The following VAC14 variants were observed in gnomAD, a reference collection of about 807,000 sequenced individuals.
VAC14 encodes the protein protein VAC14 homolog.
In VAC14, 47 loss-of-function variants were observed where a neutral mutation model predicts 85.3. The ratio of observed to expected loss-of-function variants is 0.55; its 90% CI spans 0.44 to 0.70. The LOEUF (loss-of-function observed/expected upper bound fraction) is 0.70, where lower values mean the gene tolerates loss of function less well. VAC14 is among the 30% of genes least tolerant of loss of function. The probability of loss-of-function intolerance (pLI) is 0.00; values close to 1 mark genes in which losing one functional copy is unlikely to be tolerated. For synonymous variants in VAC14, 447 were observed against 430.5 expected, an observed-to-expected ratio of 1.04 and a Z score of -0.47; for missense variants, 861 against 1,004.3, an observed-to-expected ratio of 0.86 and a Z score of 1.93.
At chr16:70,741,282 G>A (rs1597916508) in intron 13 of VAC14, among the ~76,000 whole-genome samples, 1 of 152,382 alleles carries the variant, frequency 6.6e-6, no homozygotes, top group East Asian at 1.9e-4. Context: ...AGTCTGGGAA[G>A]GAGCAGCTTG....
chr16:70,693,035 C>T (rs981446548), intron 17 of VAC14, 64 bp from the exon 18 acceptor site: 3 of 1,552,974 alleles, frequency 1.9e-6, no homozygotes, highest in African/African-American at 1.3e-5. Context: ...CCAGCCCACA[C>T]TGCCTGCCTC....
Position 70,781,963 on chromosome 16 carries a change from C to T in VAC14, c.852G>A (p.Glu284=). ...TGACGCGGCCCGCCAGCTGGATGAACTCCCGCATCCAGCACATGGCTGTCA... is the reference window on the plus strand; with the variant it reads ...TGACGCGGCCCGCCAGCTGGATGAATTCCCGCATCCAGCACATGGCTGTCA... The part of the protein sequence containing the change: ...IQLTAMCWMR[E]FIQLAGRVML... Residue 284 remains glutamate, a synonymous_variant, in exon 8 of 19, where the codon GAG becomes GAA. Transcript: ENST00000261776. 1 of 1,614,048 alleles carries T rather than the reference C, an allele frequency of 6.2e-7. No homozygotes were observed. Among genetic ancestry groups the T allele is most frequent in the Non-Finnish European group, 8.5e-7 (1 of 1,180,024 alleles).
intron 10 of VAC14, among the ~76,000 whole-genome samples, chr16:70,767,183 C>CT (rs1233829076): frequency 3.3e-5 from 5 of 152,148 alleles, no homozygotes; most frequent in African/African-American, 1.2e-4. Flanking sequence ...ATGCATGGCG[C>CT]TGCTGTGACT....
Position 70,801,039 on chromosome 16 carries a change from C to A in VAC14, c.-139G>T. 1 of 530,202 alleles carries A rather than the reference C, an allele frequency of 1.9e-6. No individual in the cohort carries two copies. 32.8% of individuals were successfully genotyped at this position (530,202 alleles called of 1,614,324 possible). A position where few individuals can be genotyped will look rare whatever the true frequency, so the allele number is the denominator to read the frequency against. On this transcript the variant is annotated 5_prime_UTR_variant, in exon 1 of 19. Transcript: ENST00000261776. The stretch of plus-strand genomic sequence containing the variant: ...CGCTCTAGGCTTGCCTGCCACGCTC[C>A]GCCGCCTCGCCCTGGAACCCGGGCC...
At chr16:70,755,716 T>G (rs575157697) in intron 12 of VAC14, among the ~76,000 whole-genome samples, 2 of 152,302 alleles carry the variant, frequency 1.3e-5, no homozygotes, top group African/African-American at 4.8e-5. Flanking sequence ...CCACCACGGT[T>G]CCTAAAGAAA....
At chr16:70,734,372 A>G (rs1379809108) in intron 13 of VAC14, among the ~76,000 whole-genome samples, 1 of 151,814 alleles carries the variant, frequency 6.6e-6, no homozygotes, top group Non-Finnish European at 1.5e-5. Flanking sequence ...GGCCCAAGGG[A>G]CCCTTCTGCC....
intron 10 of VAC14, chr16:70,768,823 CAG>C (rs996738753): frequency 2.0e-5 from 9 of 453,668 alleles, no homozygotes; most frequent in African/African-American, 1.4e-4. Flanking sequence ...GTGTGTGTGA[CAG>C]AGTCTCGCTC....
Position 70,688,019 on chromosome 16 carries a change from T to G in VAC14, c.2258A>C (p.Gln753Pro). ...SPSIDYAELL[Q>P]HFEKVQNKHL... ...CTTGTTCTGGACCTTCTCAAAGTGCTGCAGCAGCTCTGCGTAGTCGATGCT... is the reference window on the plus strand; with the variant it reads ...CTTGTTCTGGACCTTCTCAAAGTGCGGCAGCAGCTCTGCGTAGTCGATGCT... Residue 753 changes from glutamine (Q) to proline (P), a missense_variant, in exon 19 of 19, where the codon CAG becomes CCG. Around this residue, in one of 3 missense-constraint regions of VAC14, gnomAD observed 163 missense variants for 162.2 expected, o/e 1.00. Coordinates refer to ENST00000261776, the MANE Select transcript of VAC14 (RefSeq NM_018052.5). The G allele has an allele frequency of 6.2e-7, 1 of 1,606,912 alleles. No homozygotes were observed. The highest frequency in any genetic ancestry group is 8.5e-7 in the Non-Finnish European group (1 of 1,175,894).
At chr16:70,800,547 A>G (rs1045413214) in intron 1 of VAC14, among the ~76,000 whole-genome samples, 1 of 152,162 alleles carries the variant, frequency 6.6e-6, no homozygotes, top group Non-Finnish European at 1.5e-5. Flanking sequence ...CCCATACATG[A>G]TGTCACTTCA....
intron 14 of VAC14, 140 bp from the exon 15 acceptor site, chr16:70,698,951 A>G: frequency 6.1e-6 from 2 of 329,706 alleles, no homozygotes; most frequent in Non-Finnish European, 1.2e-5. Context: ...CATGACTCTG[A>G]GGCCTGTGGT....
intron 18 of VAC14, chr16:70,691,652 C>T: frequency 1.0e-6 from 1 of 985,500 alleles, no homozygotes; most frequent in Non-Finnish European, 1.2e-6. Context: ...CACTGCAGGG[C>T]ACTGCCTTCT....
chr16:70,761,099 G>A (rs890068821), intron 12 of VAC14: 1 of 433,654 alleles, frequency 2.3e-6, no homozygotes, highest in Non-Finnish European at 4.6e-6. Flanking sequence ...TGGTAATACA[G>A]AAAACCTCAG....
intron 12 of VAC14, chr16:70,761,205 A>G (rs1190267901): frequency 2.2e-6 from 1 of 455,880 alleles, no homozygotes. Context: ...CGGGCCCCCC[A>G]CAAGCCTGGC....
chr16:70,778,753 A>G (rs2033652852), intron 9 of VAC14: 1 of 152,180 alleles, frequency 6.6e-6, no homozygotes, highest in South Asian at 2.1e-4. Context: ...TATATTAAAA[A>G]CTGGAAAAAA....
chr16:70,742,552 G>A (rs1023205190), intron 13 of VAC14, among the ~76,000 whole-genome samples: 3 of 152,358 alleles, frequency 2.0e-5, no homozygotes, highest in African/African-American at 7.2e-5. Context: ...GTCAGGATGT[G>A]GGAACCACTT....
rs146821925 is a variant in VAC14, at chr16:70,778,021, C to T, written c.1096+2769G>A. Among the ~76,000 whole-genome samples, 181 of 152,202 alleles carry T rather than the reference C, an allele frequency of 1.2e-3. 3 individuals are homozygous for T. Among genetic ancestry groups the T allele is most frequent in the Admixed American group, 3.3e-3 (51 of 15,302 alleles). ...GCAGGGCTGAGAGTGGATGTAAAGGCGCCAAATTAGCTCTTACCATCTCTG... is the reference window on the plus strand; with the variant it reads ...GCAGGGCTGAGAGTGGATGTAAAGGTGCCAAATTAGCTCTTACCATCTCTG... On this transcript the variant is annotated intron_variant, in intron 9 of 18. Coordinates refer to ENST00000261776, the MANE Select transcript of VAC14 (RefSeq NM_018052.5).
intron 7 of VAC14, 26 bp from the exon 8 acceptor site, chr16:70,782,029 A>G: frequency 6.2e-7 from 1 of 1,610,484 alleles, no homozygotes; most frequent in East Asian, 2.2e-5. Context: ...GGGGGTTCAG[A>G]GGGGCCAGCA....
intron 14 of VAC14, chr16:70,699,224 A>C: frequency 5.0e-6 from 1 of 198,356 alleles, no homozygotes; most frequent in Non-Finnish European, 1.1e-5. Context: ...GCTAGAACTC[A>C]TCTTCATCCA....
At chr16:70,777,747 G>A (rs530198732) in intron 9 of VAC14, among the ~76,000 whole-genome samples, 3 of 152,332 alleles carry the variant, frequency 2.0e-5, no homozygotes, top group South Asian at 4.1e-4. Flanking sequence ...GTTCTTGCCC[G>A]GAGGTGTGCC....
Sources: allele counts gnomAD v4.1 joint callset (sites outside exome capture counted in the v4.1 genomes callset), GRCh38; gene constraint gnomAD v4.1.1; regional missense constraint gnomAD v4.1.1; transcripts MANE v1.5; gene names NCBI Gene and HGNC (gene_info 2026-07-23, HGNC 2026-07-21).